SPAM1: variants seen among roughly 807,000 people sequenced by gnomAD.
SPAM1 encodes hyaluronidase PH-20.
SPAM1 carries 22 observed loss-of-function variants against 29.6 expected under a neutral mutation model. The observed-to-expected ratio is 0.74, with a 90% CI of 0.53 to 1.06. The LOEUF (loss-of-function observed/expected upper bound fraction) is 1.06, where lower values mean the gene tolerates loss of function less well. Among genes scored for constraint, SPAM1 ranks in the 50% least tolerant of loss-of-function variants. The pLI is 0.00. For missense variants in SPAM1, 534 were observed against 604.0 expected (o/e 0.88, Z 1.21); for synonymous variants, 194 against 204.6 (o/e 0.95, Z 0.44).
chr7:123,970,941 A>G (rs1222135469), intron 6 of SPAM1: 1 of 152,060 alleles, frequency 6.6e-6, no homozygotes, highest in East Asian at 1.9e-4. Flanking sequence ...ACTCAGTTTT[A>G]AAATTAAAAT....
intron 1 of SPAM1, among the ~76,000 whole-genome samples, chr7:123,942,221 A>G (rs1450652682): frequency 8.5e-5 from 13 of 152,264 alleles, no homozygotes; most frequent in Non-Finnish European, 1.8e-4. Flanking sequence ...AAAATTTAAT[A>G]GATTATTTTG....
intron 2 of SPAM1, among the ~76,000 whole-genome samples, chr7:123,950,435 G>A (rs4731133): frequency 0.12 from 18,786 of 151,822 alleles, 1,270 homozygotes; most frequent in South Asian, 0.15. Context: ...CCCTTTCAGA[G>A]TGCCCAGTGT....
At chr7:123,931,829 C>A (rs1409840575) in intron 1 of SPAM1, among the ~76,000 whole-genome samples, 1 of 152,094 alleles carries the variant, frequency 6.6e-6, no homozygotes, top group African/African-American at 2.4e-5. Flanking sequence ...TGGTTACAAG[C>A]CGAGATCTCA....
intron 5 of SPAM1, among the ~76,000 whole-genome samples, chr7:123,965,729 A>T (rs910826827): frequency 3.9e-5 from 6 of 151,908 alleles, no homozygotes; most frequent in African/African-American, 1.4e-4. Flanking sequence ...TTGAAATCAG[A>T]TAGGGTATTG....
intron 1 of SPAM1, among the ~76,000 whole-genome samples, chr7:123,937,473 C>A (rs180986521): frequency 6.6e-6 from 1 of 151,494 alleles, no homozygotes; most frequent in Non-Finnish European, 1.5e-5. Flanking sequence ...TGGTGGCGGG[C>A]GCCTGTAGTC....
Position 123,959,475 on chromosome 7 carries a change from A to G in SPAM1, c.1045-9A>G, listed in dbSNP as rs77588965. ...TTGATATTCTGACTGTCTTATAATA[A>G]TTTTACAGAAATCTTGCTTGCTCCT... is the stretch of plus-strand genomic sequence containing the variant. On this transcript the variant is annotated splice_polypyrimidine_tract_variant and intron_variant, in intron 4 of 4. Coordinates refer to ENST00000682466, the MANE Select transcript of SPAM1 (RefSeq NM_153189.3). The G allele has an allele frequency of 1.9e-6, 3 of 1,562,276 alleles. No homozygotes were observed. Among genetic ancestry groups the G allele is most frequent in the Non-Finnish European group, 2.6e-6 (3 of 1,150,770 alleles).
At chr7:123,926,746 A>G (rs1807899055) in intron 1 of SPAM1, among the ~76,000 whole-genome samples, 1 of 152,178 alleles carries the variant, frequency 6.6e-6, no homozygotes, top group South Asian at 2.1e-4. Context: ...TCTGGCTGAC[A>G]ATTGGTTGAG....
In SPAM1 at chr7:123,959,711, A is replaced by T. The variant is rs1301150557; in HGVS notation, c.1272A>T (p.Glu424Asp). ...CAGTACGTGGAAAACCGACACTTGA[A>T]GACCTGGAGCAATTTTCTGAAAAAT... is the stretch of plus-strand genomic sequence containing the variant. ...KFTVRGKPTLEDLEQFSEKFY... is the reference protein window; with the variant it reads ...KFTVRGKPTLDDLEQFSEKFY... Residue 424 changes from glutamate (E) to aspartate (D), a missense_variant, in exon 5 of 5, where the codon GAA becomes GAT. Glu to Asp is a conservative substitution (Grantham distance 45). Transcript: ENST00000682466. The T allele has an allele frequency of 3.1e-6, 5 of 1,613,332 alleles. No individual in the cohort carries two copies. Among genetic ancestry groups the T allele is most frequent in the Non-Finnish European group, 4.2e-6 (5 of 1,179,560 alleles).
intron 1 of SPAM1, among the ~76,000 whole-genome samples, chr7:123,941,430 CAA>C (rs1215447921): frequency 6.6e-6 from 1 of 152,200 alleles, no homozygotes; most frequent in Non-Finnish European, 1.5e-5. Context: ...AGATAAGAGA[CAA>C]AAGGTGGCAT....
intron 1 of SPAM1, among the ~76,000 whole-genome samples, chr7:123,941,266 A>C (rs1206352654): frequency 6.6e-6 from 1 of 152,204 alleles, no homozygotes; most frequent in Non-Finnish European, 1.5e-5. Flanking sequence ...CAGCCTCAGG[A>C]GGTCCTGACA....
chr7:123,941,786 T>C (rs1808436832), intron 1 of SPAM1, among the ~76,000 whole-genome samples: 1 of 152,208 alleles, frequency 6.6e-6, no homozygotes, highest in African/African-American at 2.4e-5. Context: ...TCCCCTTTTC[T>C]TTTAAAAGTC....
At chr7:123,947,026 C>G (rs1261121476) in intron 1 of SPAM1, among the ~76,000 whole-genome samples, 3 of 151,986 alleles carry the variant, frequency 2.0e-5, no homozygotes, top group Admixed American at 6.6e-5. Flanking sequence ...TTTGTGGTCT[C>G]AAGATTTATT....
In SPAM1 at chr7:123,953,458, C is replaced by T; in HGVS notation, c.-113C>T. 1.7e-6 allele frequency: 1 copy of T among 582,604 alleles called. No individual in the cohort carries two copies. 36.1% of individuals were successfully genotyped at this position (582,604 alleles called of 1,614,324 possible). On this transcript the variant is annotated 5_prime_UTR_variant, in exon 3 of 5. Coordinates refer to ENST00000682466, the MANE Select transcript of SPAM1 (RefSeq NM_153189.3). ...TTAATCATTATACCTCTTTATCCAT[C>T]AAAGTGAATTCATTCCATTCCCTTT...
intron 1 of SPAM1, among the ~76,000 whole-genome samples, chr7:123,936,745 G>T (rs776794883): frequency 2.0e-5 from 3 of 152,166 alleles, no homozygotes; most frequent in Non-Finnish European, 4.4e-5. Context: ...AGCTAGAGAT[G>T]GTCTCAGAGT....
At chr7:123,936,089 A>G (rs933531826) in intron 1 of SPAM1, among the ~76,000 whole-genome samples, 1 of 152,232 alleles carries the variant, frequency 6.6e-6, no homozygotes, top group African/African-American at 2.4e-5. Context: ...TGGACTACTT[A>G]AGTGAAATTT....
intron 1 of SPAM1, among the ~76,000 whole-genome samples, chr7:123,939,607 A>C (rs1244482121): frequency 6.6e-6 from 1 of 152,184 alleles, no homozygotes; most frequent in Non-Finnish European, 1.5e-5. Flanking sequence ...TAGTTAATTA[A>C]CTAATTAACT....
intron 5 of SPAM1, chr7:123,970,089 G>A: frequency 9.1e-7 from 1 of 1,096,202 alleles, no homozygotes; most frequent in Non-Finnish European, 1.3e-6. Context: ...GGAGTCTCCT[G>A]GTATTTATTC....
chr7:123,954,835 T>C (rs974042041), intron 3 of SPAM1, among the ~76,000 whole-genome samples, 162 bp from the exon 4 acceptor site: 1 of 152,046 alleles, frequency 6.6e-6, no homozygotes, highest in Non-Finnish European at 1.5e-5. Flanking sequence ...TAGTATCTTA[T>C]TTGTTTTATA....
At chr7:123,950,061 A>T (rs1300606619) in intron 2 of SPAM1, 78 bp downstream of exon 2, 1 of 152,036 alleles carries the variant, frequency 6.6e-6, no homozygotes, top group Non-Finnish European at 1.5e-5. Context: ...CTGCACAATG[A>T]GCAAGGAAGA....
Sources: gnomAD v4.1 joint callset for allele counts (sites outside exome capture counted in the v4.1 genomes callset) on GRCh38, gnomAD v4.1.1 for gene constraint, MANE v1.5 for transcripts, NCBI Gene and HGNC (gene_info 2026-07-23, HGNC 2026-07-21) for gene names.